Variants in SNX13 observed in about 807,000 individuals in gnomAD.
SNX13 encodes sorting nexin-13.
Under a neutral mutation model 133.6 loss-of-function variants are expected in SNX13, and 45 were observed. That is an observed-to-expected ratio of 0.34 (90% CI 0.27 to 0.43). SNX13 has a LOEUF of 0.43. Among genes scored for constraint, SNX13 ranks in the 20% least tolerant of loss-of-function variants. The pLI, the probability that SNX13 is intolerant of heterozygous loss-of-function variation, is 1.00. For missense variants in SNX13, 1,032 were observed against 1,145.1 expected, an observed-to-expected ratio of 0.90 and a Z score of 1.43; for synonymous variants, 414 against 373.9, an observed-to-expected ratio of 1.11 and a Z score of -1.24.
chr7:17,859,119 T>C (rs778684971), intron 9 of SNX13, among the ~76,000 whole-genome samples: 12 of 152,044 alleles, frequency 7.9e-5, no homozygotes, highest in Non-Finnish European at 1.5e-4. Context: ...AACTTTAAAA[T>C]TGTCATCAAA....
At chr7:17,906,069 G>A (rs867044702) in intron 1 of SNX13, among the ~76,000 whole-genome samples, 1 of 152,140 alleles carries the variant, frequency 6.6e-6, no homozygotes, top group African/African-American at 2.4e-5. Flanking sequence ...TGGGATAAAT[G>A]CACTATTCAA....
chr7:17,812,407 A>G (rs1360872296), intron 20 of SNX13, among the ~76,000 whole-genome samples: 1 of 152,204 alleles, frequency 6.6e-6, no homozygotes, highest in Non-Finnish European at 1.5e-5. Flanking sequence ...GCTCAACATC[A>G]CTGGTCATTA....
At chr7:17,877,227 C>T (rs1190307593) in intron 5 of SNX13, among the ~76,000 whole-genome samples, 1 of 151,894 alleles carries the variant, frequency 6.6e-6, no homozygotes, top group African/African-American at 2.4e-5. Flanking sequence ...GATCCCTAAG[C>T]TCAGTAATCC....
At chr7:17,798,028 T>C (rs1466285250) in intron 24 of SNX13, among the ~76,000 whole-genome samples, 1 of 151,886 alleles carries the variant, frequency 6.6e-6, no homozygotes, top group Non-Finnish European at 1.5e-5. Flanking sequence ...ATACTGATAG[T>C]TCCCTTCTTG....
chr7:17,902,361 G>A (rs1463446408), intron 1 of SNX13, among the ~76,000 whole-genome samples: 2 of 150,468 alleles, frequency 1.3e-5, no homozygotes, highest in Non-Finnish European at 2.9e-5. Flanking sequence ...CAAGTGCAGT[G>A]CTAATTTGCT....
rs185950756 is a variant in SNX13, at chr7:17,843,719, T to C, written c.1165+1876A>G. 2.8e-3 allele frequency among the ~76,000 whole-genome samples: 430 copies of C among 152,136 alleles called. 12 individuals carry two copies. The highest frequency in any genetic ancestry group is 0.025 in the Admixed American group (389 of 15,260). On this transcript the variant is annotated intron_variant, in intron 12 of 25. Coordinates refer to ENST00000428135, the MANE Select transcript of SNX13 (RefSeq NM_015132.5). Reference sequence around the variant, plus strand: ...AAAAATGGGTATCATGCAAAGTATCTTCTCCAACTACAATGGGATAAAATT... The same window carrying C: ...AAAAATGGGTATCATGCAAAGTATCCTCTCCAACTACAATGGGATAAAATT...
intron 1 of SNX13, among the ~76,000 whole-genome samples, chr7:17,935,892 A>G (rs1032696119): frequency 6.6e-6 from 1 of 152,220 alleles, no homozygotes; most frequent in African/African-American, 2.4e-5. Flanking sequence ...ATGTGCCCCA[A>G]GAGTATTTCT....
At chr7:17,885,351 G>A (rs1256674893) in intron 5 of SNX13, among the ~76,000 whole-genome samples, 2 of 150,492 alleles carry the variant, frequency 1.3e-5, no homozygotes, top group Non-Finnish European at 2.9e-5. Flanking sequence ...TTGGGGAAAC[G>A]CAGAAGTGAC....
intron 5 of SNX13, among the ~76,000 whole-genome samples, chr7:17,878,233 T>TTAGTAAAACAACCGGGCTATTACA (rs1794941654): frequency 6.6e-6 from 1 of 152,186 alleles, no homozygotes; most frequent in Non-Finnish European, 1.5e-5. Context: ...CATAGAATTC[T>TTAGTAAAACAACCGGGCTATTACA]TAGTAAAACA....
At chr7:17,855,377 A>G (rs1382291723) in intron 9 of SNX13, among the ~76,000 whole-genome samples, 1 of 152,218 alleles carries the variant, frequency 6.6e-6, no homozygotes, top group African/African-American at 2.4e-5. Context: ...TTTTCACTGT[A>G]GACAAAACAG....
intron 20 of SNX13, among the ~76,000 whole-genome samples, chr7:17,807,180 G>A (rs1317477753): frequency 6.6e-6 from 1 of 152,072 alleles, no homozygotes; most frequent in Non-Finnish European, 1.5e-5. Flanking sequence ...CACCCCCACG[G>A]AGCCCAGCAA....
chr7:17,815,220 A>C (rs1035914089), intron 19 of SNX13, among the ~76,000 whole-genome samples: 1 of 152,172 alleles, frequency 6.6e-6, no homozygotes. Context: ...TTATTTTCAG[A>C]TCTTACAGCT....
intron 9 of SNX13, among the ~76,000 whole-genome samples, chr7:17,859,484 A>G (rs1356678731): frequency 6.6e-6 from 1 of 152,158 alleles, no homozygotes; most frequent in Non-Finnish European, 1.5e-5. Context: ...CAAAATTATA[A>G]TACAACTCTG....
rs771008550 is a variant in SNX13 at position 17,868,348 on chromosome 7, T to C, written c.837+59A>G. On this transcript the variant is annotated intron_variant, in intron 9 of 25. Coordinates refer to ENST00000428135, the MANE Select transcript of SNX13 (RefSeq NM_015132.5). ...GCTTAAACACCCTATCTCCCAACTATATTTTTACATTTCAAAAATTATTTC... is the reference window on the plus strand; with the variant it reads ...GCTTAAACACCCTATCTCCCAACTACATTTTTACATTTCAAAAATTATTTC... The C allele has an allele frequency of 1.6e-5, 21 of 1,276,084 alleles. No individual in the cohort carries two copies. The African/African-American group carries it at 2.7e-4, about 16-fold the overall frequency. The allele number at this position is 1,276,084 out of a possible 1,614,324, so 79.0% of individuals were successfully genotyped here. A position where few individuals can be genotyped will look rare whatever the true frequency, so the allele number is the denominator to read the frequency against.
chr7:17,800,576 G>A lies in SNX13; in HGVS notation c.2298+1012C>T, dbSNP rs541993466. Reference sequence around the variant, plus strand: ...TTAAAGAAAATTATAGGACATCTCTGTGACCCTGCAATAGGCACAGATAAC... The same window carrying A: ...TTAAAGAAAATTATAGGACATCTCTATGACCCTGCAATAGGCACAGATAAC... On this transcript the variant is annotated intron_variant, in intron 22 of 25. Coordinates refer to ENST00000428135, the MANE Select transcript of SNX13 (RefSeq NM_015132.5). Among the ~76,000 whole-genome samples, 34 of 151,874 alleles carry A rather than the reference G, an allele frequency of 2.2e-4. No individual in the cohort carries two copies. The South Asian group carries it at 6.2e-3, about 28-fold the overall frequency.
chr7:17,835,921 T>C (rs1425544287), intron 13 of SNX13, among the ~76,000 whole-genome samples: 27 of 151,838 alleles, frequency 1.8e-4, no homozygotes, highest in Non-Finnish European at 5.9e-5. Context: ...TGCCCTGAAA[T>C]AGAAACGGGA....
intron 21 of SNX13, among the ~76,000 whole-genome samples, chr7:17,803,168 T>A (rs761831393): frequency 4.8e-4 from 73 of 152,324 alleles, no homozygotes; most frequent in Non-Finnish European, 9.1e-4. Context: ...ACTTTACTAA[T>A]TTTCAGTTTT....
chr7:17,847,971 C>G (rs1790745918), intron 11 of SNX13, among the ~76,000 whole-genome samples: 1 of 152,094 alleles, frequency 6.6e-6, no homozygotes, highest in Non-Finnish European at 1.5e-5. Flanking sequence ...AGGGTGGTCC[C>G]TGGCGAAACA....
At chr7:17,905,885 A>G (rs1035356610) in intron 1 of SNX13, among the ~76,000 whole-genome samples, 2 of 152,306 alleles carry the variant, frequency 1.3e-5, no homozygotes, top group Middle Eastern at 3.4e-3. Flanking sequence ...AGCTTAATGC[A>G]GCCTCCAATT....
Sources: gnomAD v4.1 joint callset for allele counts (sites outside exome capture counted in the v4.1 genomes callset) on GRCh38, gnomAD v4.1.1 for gene constraint, MANE v1.5 for transcripts, NCBI Gene and HGNC (gene_info 2026-07-23, HGNC 2026-07-21) for gene names.